The following PIK3C3 variants were observed in gnomAD, a reference collection of about 807,000 sequenced individuals.
PIK3C3 encodes phosphatidylinositol 3-kinase catalytic subunit type 3.
Under a neutral mutation model 126.1 loss-of-function variants are expected in PIK3C3, and 95 were observed. The observed-to-expected ratio is 0.75, with a 90% CI of 0.64 to 0.89. The LOEUF is 0.89. Among genes scored for constraint, PIK3C3 ranks in the 40% least tolerant of loss-of-function variants. PIK3C3 has a pLI of 0.00. For missense variants in PIK3C3, 829 were observed against 1,063.2 expected, an observed-to-expected ratio of 0.78 and a Z score of 3.06; for synonymous variants, 374 against 360.0, an observed-to-expected ratio of 1.04 and a Z score of -0.44.
At chr18:42,038,231 A>G (rs1984145852) in intron 17 of PIK3C3, among the ~76,000 whole-genome samples, 1 of 152,132 alleles carries the variant, frequency 6.6e-6, no homozygotes. Context: ...AAGTGATAGC[A>G]ACAACCCTAT....
chr18:41,964,424 T>G (rs1286734562), intron 3 of PIK3C3, among the ~76,000 whole-genome samples: 1 of 152,120 alleles, frequency 6.6e-6, no homozygotes, highest in East Asian at 1.9e-4. Flanking sequence ...CCTCAATGTC[T>G]TCATATGTTA....
In PIK3C3 at chr18:42,047,304, C is replaced by T. The variant is rs867869481; in HGVS notation, c.2189-2227C>T. ...TCGCTTGTCTTCATATGCACATTATCGGTAGTTTAGTACCCTTGAGTGGCA... is the reference window on the plus strand; with the variant it reads ...TCGCTTGTCTTCATATGCACATTATTGGTAGTTTAGTACCCTTGAGTGGCA... On this transcript the variant is annotated intron_variant, in intron 20 of 24. Coordinates refer to ENST00000262039, the MANE Select transcript of PIK3C3 (RefSeq NM_002647.4). Among the ~76,000 whole-genome samples, 4 of 152,222 alleles carry T rather than the reference C, an allele frequency of 2.6e-5. No homozygotes were observed. In the South Asian group the frequency reaches 6.2e-4, roughly 24 times the overall value.
intron 17 of PIK3C3, among the ~76,000 whole-genome samples, chr18:42,038,364 A>G (rs1246524945): frequency 6.6e-6 from 1 of 151,308 alleles, no homozygotes; most frequent in Non-Finnish European, 1.5e-5. Flanking sequence ...TTTTTTTGAG[A>G]TGGAGTTTTG....
intron 5 of PIK3C3, among the ~76,000 whole-genome samples, chr18:41,990,059 A>C (rs932280692): frequency 6.6e-6 from 1 of 152,136 alleles, no homozygotes; most frequent in Non-Finnish European, 1.5e-5. Flanking sequence ...ATTGATTTCT[A>C]TGGTTTAGTC....
intron 13 of PIK3C3, among the ~76,000 whole-genome samples, chr18:42,022,326 C>T (rs533643357): frequency 4.8e-4 from 73 of 152,212 alleles, no homozygotes; most frequent in African/African-American, 1.7e-3. Flanking sequence ...TGATGTTCCC[C>T]GCCCTGTGTC....
At chr18:41,987,524 A>C (rs1981544377) in intron 4 of PIK3C3, among the ~76,000 whole-genome samples, 1 of 152,128 alleles carries the variant, frequency 6.6e-6, no homozygotes, top group Admixed American at 6.6e-5. Flanking sequence ...GTAATAGTCA[A>C]AATACAAGAA....
chr18:41,970,499 G>A (rs1178290185), intron 4 of PIK3C3, 43 bp downstream of exon 4: 1 of 1,568,354 alleles, frequency 6.4e-7, no homozygotes, highest in East Asian at 2.2e-5. Flanking sequence ...TCTGACTGAT[G>A]TCTATTGTAG....
chr18:42,037,008 G>A (rs1984085040), intron 16 of PIK3C3, among the ~76,000 whole-genome samples: 3 of 152,176 alleles, frequency 2.0e-5, no homozygotes, highest in Non-Finnish European at 4.4e-5. Flanking sequence ...CAGTTTATGT[G>A]TGTAGGGTAT....
chr18:41,970,501 C>T (rs1980612947), intron 4 of PIK3C3, 45 bp downstream of exon 4: 1 of 1,567,304 alleles, frequency 6.4e-7, no homozygotes, highest in Non-Finnish European at 8.8e-7. Flanking sequence ...TGACTGATGT[C>T]TATTGTAGTA....
At chr18:42,008,824 A>G (rs1436635903) in intron 10 of PIK3C3, among the ~76,000 whole-genome samples, 1 of 152,194 alleles carries the variant, frequency 6.6e-6, no homozygotes, top group African/African-American at 2.4e-5. Flanking sequence ...ATACAAATGA[A>G]GGAAAGTATA....
chr18:42,055,048 C>T (rs1430992242), intron 21 of PIK3C3, among the ~76,000 whole-genome samples: 1 of 151,900 alleles, frequency 6.6e-6, no homozygotes, highest in East Asian at 1.9e-4. Context: ...TATTTGACTC[C>T]TCCAAATCTC....
At chr18:42,058,583 A>G (rs1474028171) in intron 22 of PIK3C3, among the ~76,000 whole-genome samples, 1 of 152,156 alleles carries the variant, frequency 6.6e-6, no homozygotes, top group African/African-American at 2.4e-5. Flanking sequence ...TTGCTCAATG[A>G]TTGTGGTAAA....
intron 9 of PIK3C3, among the ~76,000 whole-genome samples, chr18:41,998,953 G>T (rs2144370216): frequency 6.6e-6 from 1 of 152,234 alleles, no homozygotes; most frequent in South Asian, 2.1e-4. Flanking sequence ...TTTGGGCCCT[G>T]GGGCTGAAAA....
At chr18:41,990,395 A>G (rs897013997) in intron 5 of PIK3C3, 64 bp from the exon 6 acceptor site, 2 of 912,402 alleles carry the variant, frequency 2.2e-6, no homozygotes, top group East Asian at 2.5e-5. Context: ...AAAATGATAC[A>G]TACTGATCCT....
chr18:42,000,950 G>A (rs1401447836), intron 9 of PIK3C3, among the ~76,000 whole-genome samples: 1 of 152,180 alleles, frequency 6.6e-6, no homozygotes, highest in East Asian at 1.9e-4. Flanking sequence ...TATATCGCAA[G>A]TGGGAAGAAA....
intron 9 of PIK3C3, among the ~76,000 whole-genome samples, chr18:42,002,252 A>G (rs1290609496): frequency 6.6e-6 from 1 of 152,192 alleles, no homozygotes; most frequent in Non-Finnish European, 1.5e-5. Context: ...GGTTAGAGAG[A>G]CATTGTTAAT....
At chr18:42,039,872 A>T (rs770864940) in intron 18 of PIK3C3, among the ~76,000 whole-genome samples, 5 of 152,198 alleles carry the variant, frequency 3.3e-5, no homozygotes, top group Non-Finnish European at 7.3e-5. Context: ...GTCAAGAAAC[A>T]ATAAATACCT....
chr18:42,024,357 G>A (rs1413240474), intron 13 of PIK3C3, among the ~76,000 whole-genome samples: 1 of 151,874 alleles, frequency 6.6e-6, no homozygotes, highest in African/African-American at 2.4e-5. Flanking sequence ...AGCTAACCTT[G>A]TCTCTCATAT....
chr18:42,017,742 T>C (rs376600452), intron 12 of PIK3C3, among the ~76,000 whole-genome samples: 134 of 152,178 alleles, frequency 8.8e-4, no homozygotes, highest in African/African-American at 3.2e-3. Context: ...TGATTAATGT[T>C]CATGTTTATC....
Sources: gnomAD v4.1 joint callset for allele counts (sites outside exome capture counted in the v4.1 genomes callset) on GRCh38, gnomAD v4.1.1 for gene constraint, MANE v1.5 for transcripts, NCBI Gene and HGNC (gene_info 2026-07-23, HGNC 2026-07-21) for gene names.